Variants in SGCD observed in about 807,000 individuals in gnomAD.
The protein encoded by SGCD is delta-sarcoglycan.
SGCD carries 18 observed loss-of-function variants against 36.6 expected under a neutral mutation model. That is an observed-to-expected ratio of 0.49 (90% CI 0.34 to 0.73). The LOEUF is 0.73. Among genes scored for constraint, SGCD ranks in the 30% least tolerant of loss-of-function variants. The probability of loss-of-function intolerance (pLI) is 0.01; values close to 1 mark genes in which losing one functional copy is unlikely to be tolerated. For missense variants in SGCD, 387 were observed against 346.7 expected (o/e 1.12, Z -0.92); for synonymous variants, 133 against 130.6 (o/e 1.02, Z -0.12).
chr5:156,516,571 A>G (rs1757180991), intron 4 of SGCD, among the ~76,000 whole-genome samples: 1 of 152,242 alleles, frequency 6.6e-6, no homozygotes, highest in Admixed American at 6.5e-5. Flanking sequence ...GAATCAGTGT[A>G]AAAAGCTGAA....
chr5:155,897,326 G>A (rs937312371), intron 1 of SGCD, among the ~76,000 whole-genome samples: 1 of 152,248 alleles, frequency 6.6e-6, no homozygotes, highest in African/African-American at 2.4e-5. Context: ...CCTGTCTAGG[G>A]CACTTACCAT....
At chr5:155,823,618 C>T in the SGCD span, among the ~76,000 whole-genome samples, 11 of 152,224 alleles carry the variant, frequency 7.2e-5, no homozygotes, top group East Asian at 3.9e-4. Context: ...TGTGGCTCCG[C>T]GGGAACACAA....
intron 1 of SGCD, among the ~76,000 whole-genome samples, chr5:155,929,609 A>C (rs1181757301): frequency 6.6e-6 from 1 of 152,134 alleles, no homozygotes; most frequent in Non-Finnish European, 1.5e-5. Context: ...TACCTTTCTA[A>C]AACATAAATC....
the SGCD span, among the ~76,000 whole-genome samples, chr5:155,728,599 G>A: frequency 6.6e-6 from 1 of 152,284 alleles, no homozygotes; most frequent in African/African-American, 2.4e-5. Context: ...GCTTCTTCTA[G>A]GCGGCGGCCG....
At chr5:156,717,390 C>G (rs555796907) in intron 7 of SGCD, among the ~76,000 whole-genome samples, 87 of 152,296 alleles carry the variant, frequency 5.7e-4, no homozygotes, top group African/African-American at 2.1e-3. Context: ...AAAACCATGA[C>G]GCTCCCTCAT....
At chr5:156,177,852 A>G (rs540167725) in intron 3 of SGCD, among the ~76,000 whole-genome samples, 1 of 152,308 alleles carries the variant, frequency 6.6e-6, no homozygotes, top group African/African-American at 2.4e-5. Context: ...GCATTGACCA[A>G]TTTGACAAGA....
intron 2 of SGCD, among the ~76,000 whole-genome samples, chr5:156,123,256 C>T (rs758890326): frequency 6.6e-6 from 1 of 152,042 alleles, no homozygotes; most frequent in Non-Finnish European, 1.5e-5. Context: ...AGCTGTGGAC[C>T]TGGAAGATGT....
At chr5:155,849,695 A>G in the SGCD span, among the ~76,000 whole-genome samples, 1 of 152,294 alleles carries the variant, frequency 6.6e-6, no homozygotes, top group South Asian at 2.1e-4. Context: ...GGAGTCAGAT[A>G]TATTGTCTTT....
intron 1 of SGCD, among the ~76,000 whole-genome samples, chr5:156,012,837 T>C (rs1561682323): frequency 6.6e-6 from 1 of 151,602 alleles, no homozygotes. Context: ...TGGTCTCGAT[T>C]TCCTGACCTC....
At chr5:156,320,097 A>ATGTGTG (rs10535885) in intron 3 of SGCD, among the ~76,000 whole-genome samples, 2,637 of 146,160 alleles carry the variant, frequency 0.018, 28 homozygotes, top group African/African-American at 0.029. Flanking sequence ...AGCCTTTGAT[A>ATGTGTG]TGTGTGTGTG....
chr5:156,273,260 C>A (rs76887603), intron 3 of SGCD, among the ~76,000 whole-genome samples: 1 of 152,026 alleles, frequency 6.6e-6, no homozygotes, highest in African/African-American at 2.4e-5. Context: ...GAAGCAAATA[C>A]GAAATAATTG....
In SGCD at chr5:156,643,023, TG is replaced by T. The variant is rs1047541214; in HGVS notation, c.503-4440del. ...TTACTAGGTTTTTTGGGGGGTTTTT[TG>T]TTTTTTTTTTTGTTTGTTTTTTTTT... On this transcript the variant is annotated intron_variant, in intron 6 of 8. Coordinates refer to ENST00000337851, the MANE Select transcript of SGCD (RefSeq NM_000337.6). 8.4e-5 allele frequency among the ~76,000 whole-genome samples: 10 copies of T among 118,844 alleles called. No individual in the cohort carries two copies. In the South Asian group the frequency reaches 2.0e-3, roughly 24 times the overall value. 78.0% of individuals were successfully genotyped at this position (118,844 alleles called of 152,430 possible). A position where few individuals can be genotyped will look rare whatever the true frequency, so the allele number is the denominator to read the frequency against.
chr5:156,321,432 CAAATAAATAAAT>C (rs1054948341), intron 3 of SGCD, among the ~76,000 whole-genome samples: 1 of 151,870 alleles, frequency 6.6e-6, no homozygotes, highest in East Asian at 1.9e-4. Context: ...AATAAATAAA[CAAATAAATAAAT>C]AAATAAACAA....
intron 1 of SGCD, among the ~76,000 whole-genome samples, chr5:156,001,725 G>T (rs1240614021): frequency 6.6e-6 from 1 of 152,198 alleles, no homozygotes; most frequent in African/African-American, 2.4e-5. Flanking sequence ...TTAAGAAGAA[G>T]AATAGATGAT....
chr5:155,829,164 G>A, the SGCD span, among the ~76,000 whole-genome samples: 1 of 152,088 alleles, frequency 6.6e-6, no homozygotes, highest in Non-Finnish European at 1.5e-5. Flanking sequence ...TTGTTCTAAG[G>A]AGACAAAAAT....
intron 6 of SGCD, among the ~76,000 whole-genome samples, chr5:156,632,564 A>G (rs1393132081): frequency 1.3e-5 from 2 of 152,178 alleles, no homozygotes; most frequent in Non-Finnish European, 2.9e-5. Flanking sequence ...CTTCATAGCT[A>G]TATTTTCTAA....
chr5:155,791,098 A>C, the SGCD span, among the ~76,000 whole-genome samples: 2 of 152,152 alleles, frequency 1.3e-5, no homozygotes, highest in Non-Finnish European at 1.5e-5. Flanking sequence ...AATCATGATG[A>C]TTAGAATGGC....
chr5:156,381,889 G>A (rs536133688), intron 3 of SGCD, among the ~76,000 whole-genome samples: 15 of 152,198 alleles, frequency 9.9e-5, no homozygotes, highest in South Asian at 6.2e-4. Context: ...ATAAAAATGG[G>A]ATAATAATAG....
chr5:156,683,505 G>A (rs1189576145), intron 7 of SGCD, among the ~76,000 whole-genome samples: 3 of 152,180 alleles, frequency 2.0e-5, no homozygotes, highest in Non-Finnish European at 4.4e-5. Context: ...GAGCAATTCT[G>A]TAGACAACAT....
Sources: allele counts gnomAD v4.1 joint callset (sites outside exome capture counted in the v4.1 genomes callset), GRCh38; gene constraint gnomAD v4.1.1; transcripts MANE v1.5; gene names NCBI Gene and HGNC (gene_info 2026-07-23, HGNC 2026-07-21).